MFHAS1: variants seen among roughly 807,000 people sequenced by gnomAD.
MFHAS1 encodes malignant fibrous histiocytoma-amplified sequence 1.
Under a neutral mutation model 70.4 loss-of-function variants are expected in MFHAS1, and 50 were observed. The ratio of observed to expected loss-of-function variants is 0.71; its 90% CI spans 0.57 to 0.90. The LOEUF (loss-of-function observed/expected upper bound fraction) is 0.90. Ranked by LOEUF, MFHAS1 falls within the 40% of genes least tolerant of loss-of-function variation. MFHAS1 has a pLI of 0.00. For missense variants in MFHAS1, 1,795 were observed against 1,347.6 expected (o/e 1.33, Z -5.20); for synonymous variants, 952 against 620.0 (o/e 1.54, Z -7.96).
intron 2 of MFHAS1, among the ~76,000 whole-genome samples, chr8:8,791,559 C>A (rs1249326854): frequency 6.6e-6 from 1 of 152,172 alleles, no homozygotes; most frequent in Non-Finnish European, 1.5e-5. Flanking sequence ...AAATGAAACG[C>A]AACCAGCAAG....
chr8:8,874,681 G>A (rs1003157587), intron 1 of MFHAS1, among the ~76,000 whole-genome samples: 6 of 151,836 alleles, frequency 4.0e-5, no homozygotes, highest in African/African-American at 7.3e-5. Context: ...TGTGATTCCC[G>A]CTGTCACCTC....
At chr8:8,796,721 C>T (rs1445898759) in intron 2 of MFHAS1, among the ~76,000 whole-genome samples, 1 of 93,758 alleles carries the variant, frequency 1.1e-5, no homozygotes, top group African/African-American at 3.8e-5. Context: ...AAAGGCCGGA[C>T]GTGGTGGCTC....
chr8:8,857,555 G>A (rs1328976524), intron 1 of MFHAS1, among the ~76,000 whole-genome samples: 11 of 152,168 alleles, frequency 7.2e-5, no homozygotes, highest in East Asian at 3.9e-4. Flanking sequence ...TCAGGAGCTC[G>A]AGACCAGCCT....
chr8:8,867,206 G>A (rs1352114527), intron 1 of MFHAS1, among the ~76,000 whole-genome samples: 1 of 152,164 alleles, frequency 6.6e-6, no homozygotes, highest in Non-Finnish European at 1.5e-5. Context: ...CACAGGCTGT[G>A]GGGTTTTATG....
intron 1 of MFHAS1, among the ~76,000 whole-genome samples, chr8:8,872,558 T>G (rs1809118187): frequency 1.3e-5 from 2 of 152,070 alleles, no homozygotes; most frequent in Admixed American, 1.3e-4. Flanking sequence ...TCCCTGCTAT[T>G]TGGGTAAGCT....
At chr8:8,798,032 G>C (rs544400923) in intron 1 of MFHAS1, among the ~76,000 whole-genome samples, 1 of 152,332 alleles carries the variant, frequency 6.6e-6, no homozygotes, top group African/African-American at 2.4e-5. Context: ...TGCCCTGATA[G>C]GTATGTGTGA....
chr8:8,793,087 C>A (rs1805773576), intron 2 of MFHAS1, among the ~76,000 whole-genome samples: 1 of 152,096 alleles, frequency 6.6e-6, no homozygotes. Flanking sequence ...TCATCCTGTT[C>A]CTGAAACCTC....
At position 8,892,140 on chromosome 8, in the gene MFHAS1, G is replaced by C; in HGVS notation, c.919C>G (p.Gln307Glu). Residue 307 changes from glutamine (Q) to glutamate (E), a missense_variant, in exon 1 of 3, where the codon CAG (glutamine) becomes GAG (glutamate). Transcript: ENST00000276282. This position sits in a 1 kb window ranked among gnomAD's most constrained non-coding sequence, Gnocchi z 4.7. ...GLEELYLSRN[Q>E]LTSVPSLISG... ...ATAAGGGATGGCACCGAGGTGAGCT[G>C]GTTGCGACTAAGGTAGAGCTCCTCC... 6.2e-7 allele frequency: 1 copy of C among 1,612,030 alleles called. No individual in the cohort carries two copies. The highest frequency in any genetic ancestry group is 8.5e-7 in the Non-Finnish European group (1 of 1,180,024).
At chr8:8,820,679 G>C (rs1806920563) in intron 1 of MFHAS1, among the ~76,000 whole-genome samples, 1 of 152,138 alleles carries the variant, frequency 6.6e-6, no homozygotes, top group Non-Finnish European at 1.5e-5. Context: ...TCTTTCAGAG[G>C]CCCTCTCACT....
At chr8:8,856,831 T>G (rs1283725220) in intron 1 of MFHAS1, among the ~76,000 whole-genome samples, 1 of 152,100 alleles carries the variant, frequency 6.6e-6, no homozygotes, top group African/African-American at 2.4e-5. Context: ...ATCAGTTTAT[T>G]GCTGCACACG....
Position 8,892,209 on chromosome 8 carries a change from G to T in MFHAS1, c.850C>A (p.Leu284Ile), listed in dbSNP as rs1482981676. The stretch of plus-strand genomic sequence containing the variant: ...AGCGCGGCAGGGAACTCCTCGAAGA[G>T]GTTGGAGGAGAGGTTGAGCATTTTG... ...RLKMLNLSSN[L>I]FEEFPAALLP... Residue 284 changes from leucine (L) to isoleucine (I), a missense_variant, in exon 1 of 3, where the codon CTC becomes ATC. Coordinates refer to ENST00000276282, the MANE Select transcript of MFHAS1 (RefSeq NM_004225.3). The surrounding 1 kb of genome is among the most constrained non-coding windows in gnomAD (Gnocchi z 4.7). 1.2e-6 allele frequency: 2 copies of T among 1,610,524 alleles called. 1 individual carries two copies. Among genetic ancestry groups the T allele is most frequent in the Admixed American group, 3.3e-5 (2 of 60,028 alleles).
At position 8,857,347 on chromosome 8, in the gene MFHAS1, T is replaced by A. The variant is rs569173035; in HGVS notation, c.2998+32714A>T. Among the ~76,000 whole-genome samples, 5 of 152,326 alleles carry A rather than the reference T, an allele frequency of 3.3e-5. No homozygotes were observed. In the East Asian group the frequency reaches 9.6e-4, roughly 29 times the overall value. On this transcript the variant is annotated intron_variant, in intron 1 of 2. Transcript: ENST00000276282. ...AGATTTCTGATTCCATAATGAGATA[T>A]CTTCCAGGCCAAAATATGCCAAATT...
At chr8:8,796,222 T>TG (rs1240761771) in intron 2 of MFHAS1, among the ~76,000 whole-genome samples, 1 of 152,162 alleles carries the variant, frequency 6.6e-6, no homozygotes, top group African/African-American at 2.4e-5. Flanking sequence ...AAGTCCATTT[T>TG]GGGGCAAGGT....
intron 1 of MFHAS1, among the ~76,000 whole-genome samples, chr8:8,802,764 T>C (rs1230346977): frequency 6.6e-6 from 1 of 152,068 alleles, no homozygotes; most frequent in African/African-American, 2.4e-5. Context: ...GGAAGCTATC[T>C]TGGGGGGTGA....
chr8:8,862,047 T>A (rs1230807112), intron 1 of MFHAS1, among the ~76,000 whole-genome samples: 1 of 152,244 alleles, frequency 6.6e-6, no homozygotes, highest in Non-Finnish European at 1.5e-5. Flanking sequence ...GTGAATTAAC[T>A]CAGAATGAAA....
At chr8:8,786,915 C>T (rs998535642) in intron 2 of MFHAS1, among the ~76,000 whole-genome samples, 2 of 151,734 alleles carry the variant, frequency 1.3e-5, no homozygotes, top group Non-Finnish European at 2.9e-5. Context: ...AACGACATCA[C>T]CAAAACAAAG....
At chr8:8,809,981 G>C (rs890128052) in intron 1 of MFHAS1, among the ~76,000 whole-genome samples, 1 of 152,164 alleles carries the variant, frequency 6.6e-6, no homozygotes, top group Non-Finnish European at 1.5e-5. Flanking sequence ...GAACCCTTAT[G>C]ACCTGAAATT....
chr8:8,863,097 T>C (rs983643831), intron 1 of MFHAS1, among the ~76,000 whole-genome samples: 2 of 152,236 alleles, frequency 1.3e-5, no homozygotes, highest in African/African-American at 4.8e-5. Flanking sequence ...CACTTGAAAA[T>C]ATTCTTTCCT....
intron 1 of MFHAS1, among the ~76,000 whole-genome samples, chr8:8,865,786 G>A (rs1046654320): frequency 6.6e-6 from 1 of 152,202 alleles, no homozygotes; most frequent in Non-Finnish European, 1.5e-5. Context: ...TTAACACTTA[G>A]TGTCTTAGAA....
Sources: gnomAD v4.1 joint callset for allele counts (sites outside exome capture counted in the v4.1 genomes callset) on GRCh38, gnomAD v4.1.1 for gene constraint, Gnocchi (gnomAD v3.1) non-coding constraint, MANE v1.5 for transcripts, NCBI Gene and HGNC (gene_info 2026-07-23, HGNC 2026-07-21) for gene names.